The following TCF20 variants were observed in gnomAD, a reference collection of about 807,000 sequenced individuals.
TCF20 encodes the protein transcription factor 20.
Under a neutral mutation model 148.6 loss-of-function variants are expected in TCF20, and 3 were observed. That is an observed-to-expected ratio of 0.02 (90% confidence interval 0.01 to 0.05). The LOEUF (loss-of-function observed/expected upper bound fraction) is 0.05, where lower values mean the gene tolerates loss of function less well. TCF20 is among the 10% of genes least tolerant of loss of function. TCF20 has a pLI of 1.00. For missense variants in TCF20, 2,350 were observed against 2,429.3 expected, an observed-to-expected ratio of 0.97 and a Z score of 0.69; for synonymous variants, 1,049 against 909.5, an observed-to-expected ratio of 1.15 and a Z score of -2.76.
intron 1 of TCF20, among the ~76,000 whole-genome samples, chr22:42,301,333 CAG>C (rs1569204514): frequency 6.6e-6 from 1 of 152,178 alleles, no homozygotes; most frequent in Non-Finnish European, 1.5e-5. Flanking sequence ...CCCAGGGAGA[CAG>C]AGGAGAGCCA....
Position 42,212,791 on chromosome 22 carries a change from A to C in TCF20, c.2515T>G (p.Tyr839Asp). The change falls in exon 2 of 6, where the codon TAT becomes GAT. Residue 839 changes from tyrosine to aspartate, a missense_variant. Physicochemically the swap from Tyr to Asp is radical, Grantham distance 160. Coordinates refer to ENST00000677622, the MANE Select transcript of TCF20 (RefSeq NM_001378418.1). ...ATTTCAAACTTTCTGGGAATTGGATAGTCAGTCAAATTGATCTGTTTCATT... is the reference window on the plus strand; with the variant it reads ...ATTTCAAACTTTCTGGGAATTGGATCGTCAGTCAAATTGATCTGTTTCATT... ...PEMKQINLTD[Y>D]PIPRKFEIEP... 1 of 1,614,238 alleles carries C rather than the reference A, an allele frequency of 6.2e-7. No individual in the cohort carries two copies. Among genetic ancestry groups the C allele is most frequent in the Non-Finnish European group, 8.5e-7 (1 of 1,180,040 alleles).
intron 1 of TCF20, among the ~76,000 whole-genome samples, chr22:42,220,322 C>G (rs1464317447): frequency 1.3e-5 from 2 of 152,142 alleles, no homozygotes; most frequent in African/African-American, 4.8e-5. Flanking sequence ...CATGGGACCC[C>G]TGGCTAATTT....
Position 42,299,401 on chromosome 22 carries a change from G to A in TCF20, c.-37+44078C>T, listed in dbSNP as rs548230519. ...CCTTACCTTGCTCTCCCTCCCCATG[G>A]ACTCTCTCTCCCATCTCCCCTCCCC... On this transcript the variant is annotated intron_variant, in intron 1 of 1. Transcript: ENST00000515426. The surrounding 1 kb of genome is among the most constrained non-coding windows in gnomAD (Gnocchi z 4.1). Among the ~76,000 whole-genome samples, 4 of 152,080 alleles carry A rather than the reference G, an allele frequency of 2.6e-5. No homozygotes were observed. The highest frequency in any genetic ancestry group is 7.2e-5 in the African/African-American group (3 of 41,440).
chr22:42,211,541 C>T lies in TCF20; in HGVS notation c.3765G>A (p.Arg1255=). The stretch of plus-strand genomic sequence containing the variant: ...TGGGAGAGATAAAAGAACGAACACG[C>T]CTCCTCATGATTAAGGGGTTTTGAG... ...HSSQNPLIMR[R]RVRSFISPIP... is the part of the protein sequence containing the mutation. Residue 1255 remains arginine (R), a synonymous_variant, in exon 2 of 6, where the codon AGG becomes AGA. Coordinates refer to ENST00000677622, the MANE Select transcript of TCF20 (RefSeq NM_001378418.1). 1 of 1,614,190 alleles carries T rather than the reference C, an allele frequency of 6.2e-7. No individual in the cohort carries two copies. Among genetic ancestry groups the T allele is most frequent in the South Asian group, 1.1e-5 (1 of 91,082 alleles).
At chr22:42,173,830 G>GCAGAGGCAGCAAAGC (rs1936280804) in intron 3 of TCF20, among the ~76,000 whole-genome samples, 1 of 152,136 alleles carries the variant, frequency 6.6e-6, no homozygotes, top group Admixed American at 6.5e-5. Flanking sequence ...GTGCACAGCA[G>GCAGAGGCAGCAAAGC]CAGAGGCAGC....
intron 1 of TCF20, among the ~76,000 whole-genome samples, chr22:42,237,451 T>TG (rs1923988468): frequency 6.6e-6 from 1 of 152,246 alleles, no homozygotes; most frequent in Admixed American, 6.5e-5. Flanking sequence ...ACTGAAGTCC[T>TG]GAACCCCTCA....
At chr22:42,245,509 C>T (rs1252615201) in intron 1 of TCF20, among the ~76,000 whole-genome samples, 1 of 152,178 alleles carries the variant, frequency 6.6e-6, no homozygotes, top group African/African-American at 2.4e-5. Context: ...CCTACTTCTC[C>T]CTTAAGAACT....
At chr22:42,336,803 T>G (rs542653127) in intron 1 of TCF20, among the ~76,000 whole-genome samples, 5 of 152,264 alleles carry the variant, frequency 3.3e-5, no homozygotes, top group Admixed American at 1.3e-4. Context: ...CCCTCACGAC[T>G]GGTACTCCTC....
At chr22:42,260,912 G>C (rs1464714574) in intron 1 of TCF20, among the ~76,000 whole-genome samples, 1 of 152,184 alleles carries the variant, frequency 6.6e-6, no homozygotes. Context: ...GATTTTTACA[G>C]TCAAATCACA....
At chr22:42,180,644 G>T (rs934024201) in intron 2 of TCF20, among the ~76,000 whole-genome samples, 17 of 152,182 alleles carry the variant, frequency 1.1e-4, no homozygotes, top group Admixed American at 4.6e-4. Flanking sequence ...ACACTGAGCT[G>T]GCTCAGGCCC....
intron 2 of TCF20, among the ~76,000 whole-genome samples, chr22:42,197,036 T>C (rs1392140464): frequency 6.6e-6 from 1 of 152,216 alleles, no homozygotes; most frequent in African/African-American, 2.4e-5. Context: ...ACTCCACTAT[T>C]ACCAGGTTTA....
intron 1 of TCF20, among the ~76,000 whole-genome samples, chr22:42,243,279 C>A (rs1924600237): frequency 3.2e-5 from 3 of 92,406 alleles, no homozygotes; most frequent in African/African-American, 1.0e-4. Context: ...GCTGGCAGAG[C>A]AAGACACTGT....
At chr22:42,254,076 C>CAAAAAA (rs528387021) in intron 1 of TCF20, among the ~76,000 whole-genome samples, 5 of 53,574 alleles carry the variant, frequency 9.3e-5, no homozygotes, top group Non-Finnish European at 1.2e-4. Flanking sequence ...AACTCCCTTT[C>CAAAAAA]AAAAAAAAAA....
chr22:42,237,888 G>C (rs1924023514), intron 1 of TCF20, among the ~76,000 whole-genome samples: 2 of 152,174 alleles, frequency 1.3e-5, no homozygotes, highest in African/African-American at 4.8e-5. Flanking sequence ...CTGTCATCTA[G>C]GTTTTGTTGA....
intron 3 of TCF20, among the ~76,000 whole-genome samples, chr22:42,176,724 C>A (rs139836467): frequency 2.5e-3 from 385 of 152,274 alleles, no homozygotes; most frequent in African/African-American, 8.8e-3. Flanking sequence ...GACATTATGT[C>A]AAGTGAAATA....
At chr22:42,312,744 G>C (rs1927558790) in intron 1 of TCF20, among the ~76,000 whole-genome samples, 1 of 152,096 alleles carries the variant, frequency 6.6e-6, no homozygotes, top group Non-Finnish European at 1.5e-5. Flanking sequence ...GATGTGACTG[G>C]TCATCCCTTC....
chr22:42,161,009 G>A lies in TCF20; in HGVS notation c.*394C>T. The A allele has an allele frequency of 4.2e-6, 1 of 237,474 alleles. No individual in the cohort carries two copies. Among genetic ancestry groups the A allele is most frequent in the Non-Finnish European group, 8.1e-6 (1 of 123,430 alleles). 14.7% of individuals were successfully genotyped at this position (237,474 alleles called of 1,614,324 possible). On this transcript the variant is annotated 3_prime_UTR_variant, in exon 6 of 6. Coordinates refer to ENST00000677622, the MANE Select transcript of TCF20 (RefSeq NM_001378418.1). The stretch of plus-strand genomic sequence containing the variant: ...TTTTAAAACAGAATCAAAAGGGATA[G>A]CGCACCTTTCATTTAAACAAAGTCT...
chr22:42,220,230 A>C (rs1376571326), intron 1 of TCF20, among the ~76,000 whole-genome samples: 1 of 152,130 alleles, frequency 6.6e-6, no homozygotes, highest in African/African-American at 2.4e-5. Flanking sequence ...GTGCAGTGGC[A>C]TGACCACAGG....
chr22:42,295,298 C>T (rs900391939), intron 1 of TCF20, among the ~76,000 whole-genome samples: 15 of 152,182 alleles, frequency 9.9e-5, no homozygotes, highest in African/African-American at 3.6e-4. Context: ...TGAGCCAGCC[C>T]TACCCTTTCA....
Sources: allele counts gnomAD v4.1 joint callset (sites outside exome capture counted in the v4.1 genomes callset), GRCh38; gene constraint gnomAD v4.1.1; non-coding constraint Gnocchi (gnomAD v3.1); transcripts MANE v1.5; gene names NCBI Gene and HGNC (gene_info 2026-07-23, HGNC 2026-07-21).